PIP5K1B: variants seen among roughly 807,000 people sequenced by gnomAD.
The protein encoded by PIP5K1B is phosphatidylinositol-4-phosphate 5-kinase type 1 beta, also known as phosphatidylinositol 4-phosphate 5-kinase type-1 beta.
In PIP5K1B, 42 loss-of-function variants were observed where a neutral mutation model predicts 67.0. The observed-to-expected ratio is 0.63, with a 90% CI of 0.49 to 0.81. PIP5K1B has a LOEUF of 0.81. Ranked by LOEUF, PIP5K1B falls within the 30% of genes least tolerant of loss-of-function variation. The pLI, the probability that PIP5K1B is intolerant of heterozygous loss-of-function variation, is 0.00. For missense variants in PIP5K1B, 459 were observed against 646.3 expected (o/e 0.71, Z 3.14); for synonymous variants, 214 against 231.4 (o/e 0.92, Z 0.68).
intron 8 of PIP5K1B, among the ~76,000 whole-genome samples, chr9:68,911,970 A>G (rs1487694291): frequency 6.6e-6 from 1 of 152,212 alleles, no homozygotes; most frequent in Non-Finnish European, 1.5e-5. Flanking sequence ...AAGTCAGATT[A>G]AATGCAACAA....
intron 5 of PIP5K1B, among the ~76,000 whole-genome samples, chr9:68,866,795 A>G (rs559814835): frequency 6.6e-6 from 1 of 152,330 alleles, no homozygotes; most frequent in South Asian, 2.1e-4. Flanking sequence ...TGTGTGACTG[A>G]AGACAAAGGC....
chr9:68,822,428 T>C, intron 3 of PIP5K1B, 187 bp from the exon 4 acceptor site: 1 of 487,398 alleles, frequency 2.1e-6, no homozygotes, highest in Non-Finnish European at 3.7e-6. Flanking sequence ...GATTTATTTT[T>C]GAAAGATTAA....
intron 2 of PIP5K1B, among the ~76,000 whole-genome samples, chr9:68,760,235 C>G (rs1830122290): frequency 6.6e-6 from 1 of 152,074 alleles, no homozygotes; most frequent in Non-Finnish European, 1.5e-5. Flanking sequence ...TTACCTAGTA[C>G]TTCTCACAAA....
At chr9:68,774,237 A>T (rs1587422789) in intron 2 of PIP5K1B, among the ~76,000 whole-genome samples, 1 of 152,166 alleles carries the variant, frequency 6.6e-6, no homozygotes, top group East Asian at 1.9e-4. Flanking sequence ...GGCTTCGGAC[A>T]AGTCTTCAGA....
rs150391618 is a variant in PIP5K1B, at chr9:68,746,203, C to G, written c.-86+3546C>G. Among the ~76,000 whole-genome samples the G allele has an allele frequency of 4.2e-3, 640 of 151,756 alleles. 4 individuals carry two copies. The highest frequency in any genetic ancestry group is 7.7e-3 in the Non-Finnish European group (522 of 67,924). ...ATGCTACTCTTGTGCCTCAGCCTCCCGAGTAGCTAGGACTACAGGCATGCA... is the reference window on the plus strand; with the variant it reads ...ATGCTACTCTTGTGCCTCAGCCTCCGGAGTAGCTAGGACTACAGGCATGCA... On this transcript the variant is annotated intron_variant, in intron 2 of 15. Transcript: ENST00000265382.
At position 68,986,271 on chromosome 9, in the gene PIP5K1B, TATG is replaced by T. The variant is rs570708635; in HGVS notation, c.1503-4866_1503-4864del. ...AACAAGTTTAATTTTTCTGATTTTC[TATG>T]ATAACTATCCCAGTAGTTGTGAAAG... On this transcript the variant is annotated intron_variant, in intron 14 of 15. Transcript: ENST00000265382. 1.9e-3 allele frequency among the ~76,000 whole-genome samples: 283 copies of T among 152,386 alleles called. 1 individual carries two copies. Among genetic ancestry groups the T allele is most frequent in the Middle Eastern group, 6.8e-3 (2 of 294 alleles).
intron 12 of PIP5K1B, among the ~76,000 whole-genome samples, chr9:68,930,625 C>T (rs564784457): frequency 1.3e-5 from 2 of 151,934 alleles, no homozygotes; most frequent in African/African-American, 4.8e-5. Flanking sequence ...AAAGTTGTGG[C>T]CCCAAACAGG....
chr9:68,822,425 T>A, intron 3 of PIP5K1B, 190 bp from the exon 4 acceptor site: 1 of 485,852 alleles, frequency 2.1e-6, no homozygotes. Flanking sequence ...TTAGATTTAT[T>A]TTTGAAAGAT....
intron 3 of PIP5K1B, among the ~76,000 whole-genome samples, chr9:68,819,882 CA>C (rs1202454460): frequency 6.6e-6 from 1 of 152,056 alleles, no homozygotes; most frequent in Non-Finnish European, 1.5e-5. Flanking sequence ...CTTCGTTTAT[CA>C]TTATTTTATG....
intron 14 of PIP5K1B, among the ~76,000 whole-genome samples, chr9:68,989,840 C>T (rs1830280630): frequency 5.9e-5 from 9 of 152,054 alleles, no homozygotes; most frequent in Admixed American, 5.9e-4. Flanking sequence ...ATTAGCCAGG[C>T]ATGGTGGTGC....
At chr9:68,964,799 A>C (rs1828934724) in intron 14 of PIP5K1B, among the ~76,000 whole-genome samples, 3 of 152,250 alleles carry the variant, frequency 2.0e-5, no homozygotes, top group Admixed American at 6.5e-5. Flanking sequence ...GAATGCCTGT[A>C]GGTTTCCTTG....
Position 68,940,677 on chromosome 9 carries a change from C to G in PIP5K1B, c.1389C>G (p.Val463=), listed in dbSNP as rs1341380670. Residue 463 remains valine, a synonymous_variant, in exon 14 of 16, where the codon GTC becomes GTG. Coordinates refer to ENST00000265382, the MANE Select transcript of PIP5K1B (RefSeq NM_003558.4). ...GATCCCGACACAGGCCAGACCTGGT[C>G]CCTAGCACTCCATCACTGTTTGAAG... ...ALGSRHRPDL[V]PSTPSLFEAA... 1 of 1,614,004 alleles carries G rather than the reference C, an allele frequency of 6.2e-7. No individual in the cohort carries two copies. The highest frequency in any genetic ancestry group is 1.3e-5 in the African/African-American group (1 of 75,030).
At chr9:68,913,607 CT>C (rs1825953286) in intron 8 of PIP5K1B, among the ~76,000 whole-genome samples, 1 of 152,174 alleles carries the variant, frequency 6.6e-6, no homozygotes, top group African/African-American at 2.4e-5. Context: ...ATACATTTCT[CT>C]TTTTGTTCCT....
chr9:68,858,523 T>C (rs978761351), intron 4 of PIP5K1B, among the ~76,000 whole-genome samples: 1 of 152,204 alleles, frequency 6.6e-6, no homozygotes, highest in South Asian at 2.1e-4. Context: ...ATTTGGTTTT[T>C]AAAATATATA....
chr9:68,752,213 A>G lies in PIP5K1B; in HGVS notation c.-86+9556A>G, dbSNP rs75925721. Among the ~76,000 whole-genome samples, 173 of 152,312 alleles carry G rather than the reference A, an allele frequency of 1.1e-3. 2 individuals carry two copies. The East Asian group carries it at 0.032, about 28-fold the overall frequency. ...GTATCTTGCCCATAGTAGGTGCCCA[A>G]TAAATGTTCACTGAATTGTATGTAG... On this transcript the variant is annotated intron_variant, in intron 2 of 15. Coordinates refer to ENST00000265382, the MANE Select transcript of PIP5K1B (RefSeq NM_003558.4).
intron 2 of PIP5K1B, among the ~76,000 whole-genome samples, chr9:68,760,483 C>T (rs1294851348): frequency 6.6e-6 from 1 of 152,030 alleles, no homozygotes; most frequent in Non-Finnish European, 1.5e-5. Flanking sequence ...GCTGCTGAGG[C>T]TGGAGTTCTG....
chr9:68,807,945 C>A (rs949460333), intron 2 of PIP5K1B, among the ~76,000 whole-genome samples: 1 of 152,178 alleles, frequency 6.6e-6, no homozygotes, highest in African/African-American at 2.4e-5. Flanking sequence ...CACCTGTAAT[C>A]CCAGCACTTT....
At chr9:68,773,374 C>A (rs540827257) in intron 2 of PIP5K1B, among the ~76,000 whole-genome samples, 1 of 152,212 alleles carries the variant, frequency 6.6e-6, no homozygotes, top group Non-Finnish European at 1.5e-5. Context: ...AGAGAAGGCA[C>A]CAAGGAGGTT....
intron 2 of PIP5K1B, among the ~76,000 whole-genome samples, chr9:68,767,423 G>A (rs531365497): frequency 1.1e-4 from 16 of 151,876 alleles, no homozygotes; most frequent in Middle Eastern, 3.4e-3. Context: ...GTGAAACCGC[G>A]TCTCTACTAA....
Sources: gnomAD v4.1 joint callset for allele counts (sites outside exome capture counted in the v4.1 genomes callset) on GRCh38, gnomAD v4.1.1 for gene constraint, MANE v1.5 for transcripts, NCBI Gene and HGNC (gene_info 2026-07-23, HGNC 2026-07-21) for gene names.